Variants in RFX7 observed in about 807,000 individuals in gnomAD.
RFX7 encodes the protein DNA-binding protein RFX7.
A neutral mutation model predicts 111.8 loss-of-function variants in RFX7; 26 were observed. The ratio of observed to expected loss-of-function variants is 0.23; its 90% CI spans 0.17 to 0.32. The LOEUF is 0.32. Among genes scored for constraint, RFX7 ranks in the 10% least tolerant of loss-of-function variants. The pLI is 1.00. For synonymous variants in RFX7, 624 were observed against 624.4 expected, an observed-to-expected ratio of 1.00 and a Z score of 0.01; for missense variants, 1,573 against 1,772.9, an observed-to-expected ratio of 0.89 and a Z score of 2.02.
intron 2 of RFX7, among the ~76,000 whole-genome samples, chr15:56,182,146 G>A (rs952168485): frequency 2.6e-5 from 4 of 152,034 alleles, no homozygotes; most frequent in Non-Finnish European, 5.9e-5. Context: ...ATATTACAAT[G>A]TAATAATAAC....
At chr15:56,133,959 G>C (rs1045309246) in intron 5 of RFX7, among the ~76,000 whole-genome samples, 1 of 152,052 alleles carries the variant, frequency 6.6e-6, no homozygotes, top group African/African-American at 2.4e-5. Context: ...TTGTATGCAC[G>C]TATACTAACC....
At chr15:56,178,194 C>T (rs928074544) in intron 3 of RFX7, among the ~76,000 whole-genome samples, 18 of 145,348 alleles carry the variant, frequency 1.2e-4, no homozygotes, top group Non-Finnish European at 2.2e-4. Flanking sequence ...CACACACACA[C>T]ACACACACAC....
chr15:56,101,278 G>A (rs1230461604), intron 8 of RFX7, 81 bp downstream of exon 8: 1 of 1,181,124 alleles, frequency 8.5e-7, no homozygotes, highest in African/African-American at 1.5e-5. Flanking sequence ...GAAGTTCTTT[G>A]ATCTAACTCT....
intron 3 of RFX7, among the ~76,000 whole-genome samples, chr15:56,144,798 A>G (rs545976951): frequency 3.9e-5 from 6 of 152,264 alleles, no homozygotes; most frequent in African/African-American, 1.4e-4. Flanking sequence ...TACTTGTCCT[A>G]TAGGACAAGT....
chr15:56,116,616 G>T (rs145186857), intron 5 of RFX7, among the ~76,000 whole-genome samples: 1 of 152,248 alleles, frequency 6.6e-6, no homozygotes, highest in East Asian at 1.9e-4. Context: ...ACTTAAATAG[G>T]TTCTCCGCAG....
At chr15:56,129,220 T>C (rs563405648) in intron 5 of RFX7, among the ~76,000 whole-genome samples, 1 of 151,654 alleles carries the variant, frequency 6.6e-6, no homozygotes, top group African/African-American at 2.4e-5. Context: ...ATAATAAATA[T>C]AAAAATTAGC....
chr15:56,226,619 C>A (rs2043486588), intron 2 of RFX7, among the ~76,000 whole-genome samples: 1 of 152,064 alleles, frequency 6.6e-6, no homozygotes, highest in Admixed American at 6.6e-5. Flanking sequence ...AGAAAGAAAA[C>A]CCAGGCTTAA....
rs2041602187 is a variant in RFX7 at position 56,092,010 on chromosome 15, A to T, written c.*1335T>A. 1 of 152,316 alleles carries T rather than the reference A, an allele frequency of 6.6e-6. No homozygotes were observed. The highest frequency in any genetic ancestry group is 6.5e-5 in the Admixed American group (1 of 15,278). 9.4% of individuals were successfully genotyped at this position (152,316 alleles called of 1,614,324 possible). On this transcript the variant is annotated 3_prime_UTR_variant, in exon 10 of 10. Coordinates refer to ENST00000559447, the MANE Select transcript of RFX7 (RefSeq NM_022841.7). ...AAAAATCTCTTTGAAAGTGATCTTGAAACTCACTTAAATGGAGCTTTCAAC... is the reference window on the plus strand; with the variant it reads ...AAAAATCTCTTTGAAAGTGATCTTGTAACTCACTTAAATGGAGCTTTCAAC...
chr15:56,095,641 T>A lies in RFX7; in HGVS notation c.2087A>T (p.Asp696Val), dbSNP rs750447793. The change falls in exon 10 of 10, where the codon GAC becomes GTC. Residue 696 changes from aspartate (D) to valine (V), a missense_variant. Asp to Val is a radical substitution (Grantham distance 152, BLOSUM62 -3). Coordinates refer to ENST00000559447, the MANE Select transcript of RFX7 (RefSeq NM_022841.7). The part of the protein sequence containing the change: ...EGQKQGSVKK[D>V]QKVPHSGKTE... ...TTTCCCTGAATGTGGAACCTTTTGG[T>A]CCTTCTTAACACTGCCTTGTTTCTG... 3.7e-6 allele frequency: 6 copies of A among 1,613,920 alleles called. No individual in the cohort carries two copies. In the South Asian group the frequency reaches 6.6e-5, roughly 18 times the overall value.
intron 2 of RFX7, among the ~76,000 whole-genome samples, chr15:56,212,876 G>A (rs1399449231): frequency 1.3e-5 from 2 of 151,992 alleles, no homozygotes; most frequent in Non-Finnish European, 2.9e-5. Flanking sequence ...TACACAAATA[G>A]TACAGATGTT....
At chr15:56,207,574 A>G (rs1230162629) in intron 2 of RFX7, among the ~76,000 whole-genome samples, 1 of 152,234 alleles carries the variant, frequency 6.6e-6, no homozygotes, top group Non-Finnish European at 1.5e-5. Flanking sequence ...TTTGAGAAAA[A>G]AAGCAATAAA....
intron 5 of RFX7, among the ~76,000 whole-genome samples, chr15:56,130,547 TATA>T (rs532658824): frequency 9.4e-4 from 142 of 151,870 alleles, no homozygotes; most frequent in Non-Finnish European, 1.6e-3. Context: ...CAGCCAAAAC[TATA>T]ATGAGAGGCA....
chr15:56,206,182 G>C (rs1233611621), intron 2 of RFX7, among the ~76,000 whole-genome samples: 2 of 152,098 alleles, frequency 1.3e-5, no homozygotes, highest in African/African-American at 4.8e-5. Flanking sequence ...TGGAAGCAAT[G>C]CATGTGTCTA....
At chr15:56,184,968 C>T (rs1174543356) in intron 2 of RFX7, among the ~76,000 whole-genome samples, 2 of 152,090 alleles carry the variant, frequency 1.3e-5, no homozygotes, top group African/African-American at 4.8e-5. Context: ...TTTTCTTGAT[C>T]GAGCTTTTTT....
At chr15:56,202,869 G>T (rs778040182) in intron 2 of RFX7, among the ~76,000 whole-genome samples, 1 of 152,172 alleles carries the variant, frequency 6.6e-6, no homozygotes, top group Non-Finnish European at 1.5e-5. Flanking sequence ...AGAGACAAAA[G>T]AGGTCATCTG....
chr15:56,130,677 C>T (rs1025883676), intron 5 of RFX7, among the ~76,000 whole-genome samples: 7 of 150,866 alleles, frequency 4.6e-5, no homozygotes, highest in African/African-American at 1.7e-4. Flanking sequence ...AAAATAAAAG[C>T]ACCTAATAAA....
intron 2 of RFX7, among the ~76,000 whole-genome samples, chr15:56,214,367 T>C (rs2043341908): frequency 1.3e-5 from 2 of 152,178 alleles, no homozygotes; most frequent in African/African-American, 2.4e-5. Context: ...ACATGGAACA[T>C]GTCTCCATTT....
rs1567001012 is a variant in RFX7 at position 56,092,933 on chromosome 15, AC to A, written c.*411del. 2 of 158,938 alleles carry A rather than the reference AC, an allele frequency of 1.3e-5. No individual in the cohort carries two copies. Among genetic ancestry groups the A allele is most frequent in the African/African-American group, 4.8e-5 (2 of 41,524 alleles). The allele number at this position is 158,938 out of a possible 1,614,324, so 9.8% of individuals were successfully genotyped here. A position where few individuals can be genotyped will look rare whatever the true frequency, so the allele number is the denominator to read the frequency against. On this transcript the variant is annotated 3_prime_UTR_variant, in exon 10 of 10. Coordinates refer to ENST00000559447, the MANE Select transcript of RFX7 (RefSeq NM_022841.7). Reference sequence around the variant, plus strand: ...AGGAAGACTTTCTTGTCTACAGTTCACCCTAGCTATGATTTTATATCTAAAA... The same window carrying A: ...AGGAAGACTTTCTTGTCTACAGTTCACCTAGCTATGATTTTATATCTAAAA...
At chr15:56,129,658 C>T (rs1197209858) in intron 5 of RFX7, among the ~76,000 whole-genome samples, 6 of 152,100 alleles carry the variant, frequency 3.9e-5, no homozygotes, top group African/African-American at 7.2e-5. Context: ...ACAAAGCAGT[C>T]GCCCAGGGTA....
Sources: gnomAD v4.1 joint callset for allele counts (sites outside exome capture counted in the v4.1 genomes callset) on GRCh38, gnomAD v4.1.1 for gene constraint, MANE v1.5 for transcripts, NCBI Gene and HGNC (gene_info 2026-07-23, HGNC 2026-07-21) for gene names.